POLI: variants seen among roughly 807,000 people sequenced by gnomAD.
POLI encodes the protein RAD30 homolog B.
Under a neutral mutation model 51.6 loss-of-function variants are expected in POLI, and 58 were observed. The ratio of observed to expected loss-of-function variants is 1.12; its 90% CI spans 0.91 to 1.40. POLI has a LOEUF of 1.40. Ranked by LOEUF, POLI falls within the 40% of genes most tolerant of loss-of-function variation. The probability of loss-of-function intolerance (pLI) is 0.00; values close to 1 mark genes in which losing one functional copy is unlikely to be tolerated. For synonymous variants in POLI, 322 were observed against 299.7 expected, an observed-to-expected ratio of 1.07 and a Z score of -0.77; for missense variants, 921 against 871.3, an observed-to-expected ratio of 1.06 and a Z score of -0.72.
At chr18:54,306,683 G>A (rs976172365) in intron 3 of POLI, among the ~76,000 whole-genome samples, 14 of 152,112 alleles carry the variant, frequency 9.2e-5, no homozygotes, top group Non-Finnish European at 1.9e-4. Flanking sequence ...GGTAGAATTC[G>A]GCTGTGAATT....
chr18:54,278,264 C>T (rs535991099), intron 4 of POLI, among the ~76,000 whole-genome samples: 64 of 152,240 alleles, frequency 4.2e-4, no homozygotes, highest in Non-Finnish European at 7.4e-4. Context: ...GAGTTTGAGT[C>T]CAGCCTAGGC....
intron 8 of POLI, among the ~76,000 whole-genome samples, chr18:54,291,193 TCTC>T (rs3730805): frequency 0.069 from 10,531 of 152,176 alleles, 426 homozygotes; most frequent in African/African-American, 0.088. Context: ...CATTTCCAAA[TCTC>T]CTGGTGACAT....
At chr18:54,315,137 C>T (rs1021113315) in intron 3 of POLI, among the ~76,000 whole-genome samples, 4 of 152,126 alleles carry the variant, frequency 2.6e-5, no homozygotes, top group East Asian at 1.9e-4. Flanking sequence ...GCTTCAGCTG[C>T]GTCCAAATAT....
At chr18:54,299,446 A>G (rs1297135569), downstream of POLI, among the ~76,000 whole-genome samples, 1 of 152,176 alleles carries the variant, frequency 6.6e-6, no homozygotes, top group African/African-American at 2.4e-5. Flanking sequence ...AAACAAAACA[A>G]AAAAAGCCTG....
chr18:54,282,998 C>A lies in POLI; in HGVS notation c.958C>A (p.Leu320Ile). 1 of 1,602,164 alleles carries A rather than the reference C, an allele frequency of 6.2e-7. No individual in the cohort carries two copies. Among genetic ancestry groups the A allele is most frequent in the Non-Finnish European group, 8.5e-7 (1 of 1,170,706 alleles). The change falls in exon 6 of 10, where the codon CTC becomes ATC. Residue 320 changes from leucine (L) to isoleucine (I), a missense_variant. Physicochemically the swap from Leu to Ile is conservative, Grantham distance 5 (BLOSUM62 2). Transcript: ENST00000579534. The stretch of plus-strand genomic sequence containing the variant: ...TGGAGAGGATAACTCCCCTGTGATA[C>A]TCTCAGGACCACCTCAGGTACATGA... ...SFGEDNSPVILSGPPQSFSEE... is the reference protein window; with the variant it reads ...SFGEDNSPVIISGPPQSFSEE...
chr18:54,308,851 C>T (rs1430880927), intron 3 of POLI, among the ~76,000 whole-genome samples: 1 of 152,012 alleles, frequency 6.6e-6, no homozygotes, highest in African/African-American at 2.4e-5. Flanking sequence ...TCACTGATAC[C>T]CTTTCTTCCA....
intron 2 of POLI, 67 bp from the exon 3 acceptor site, chr18:54,273,859 G>GAATT (rs2087118614): frequency 2.4e-6 from 2 of 823,488 alleles, no homozygotes; most frequent in Admixed American, 3.8e-5. Flanking sequence ...ATGTAATACG[G>GAATT]AATTAATAAT....
At chr18:54,275,879 C>T (rs1349834625) in intron 3 of POLI, among the ~76,000 whole-genome samples, 2 of 152,040 alleles carry the variant, frequency 1.3e-5, no homozygotes, top group Non-Finnish European at 2.9e-5. Flanking sequence ...GAAGTAGGCG[C>T]GTAGCCAGTT....
At chr18:54,271,186 A>G in intron 1 of POLI, 174 bp from the exon 2 acceptor site, 1 of 523,416 alleles carries the variant, frequency 1.9e-6, no homozygotes, top group Non-Finnish European at 3.4e-6. Flanking sequence ...TGAAGACCCT[A>G]CCCTAAGTGG....
intron 3 of POLI, among the ~76,000 whole-genome samples, chr18:54,276,826 C>G (rs1394820833): frequency 6.6e-6 from 1 of 152,164 alleles, no homozygotes; most frequent in Admixed American, 6.5e-5. Context: ...AAAACATGAT[C>G]TATGTGGAAT....
At position 54,274,056 on chromosome 18, in the gene POLI, G is replaced by T; in HGVS notation, c.372G>T (p.Leu124=). 6.6e-7 allele frequency: 1 copy of T among 1,512,030 alleles called. No individual in the cohort carries two copies. Among genetic ancestry groups the T allele is most frequent in the Non-Finnish European group, 8.9e-7 (1 of 1,127,404 alleles). The allele number at this position is 1,512,030 out of a possible 1,614,324, so 93.7% of individuals were successfully genotyped here. ...TGGTATTAGTTAATGGAGAAGACCT[G>T]ACCCGCTACAGAGAAATGTCTTATA... The part of the protein sequence containing the change: ...PQLVLVNGED[L]TRYREMSYKV... The change falls in exon 3 of 10, where the codon CTG becomes CTT. Residue 124 remains leucine, a synonymous_variant. Transcript: ENST00000579534.
intron 3 of POLI, among the ~76,000 whole-genome samples, chr18:54,276,098 G>A (rs2087227566): frequency 6.6e-6 from 1 of 152,036 alleles, no homozygotes. Flanking sequence ...AGGAATGGAG[G>A]CTGGGCATGG....
downstream of POLI, among the ~76,000 whole-genome samples, chr18:54,300,623 C>T (rs1251294467): frequency 6.6e-6 from 1 of 151,872 alleles, no homozygotes; most frequent in East Asian, 1.9e-4. Flanking sequence ...ATATCAAAAT[C>T]ATGTTAAATA....
chr18:54,313,038 G>A lies in POLI; in HGVS notation c.334-7235G>A, dbSNP rs561800163. 4.6e-5 allele frequency among the ~76,000 whole-genome samples: 7 copies of A among 152,110 alleles called. No homozygotes were observed. The East Asian group carries it at 7.7e-4, about 17-fold the overall frequency. ...TAAACTCTTTGCCAATGCCAATATC[G>A]AGATGGGTGTTTCCTAGATTTTCTT... On this transcript the variant is annotated intron_variant, in intron 3 of 4. Coordinates refer to the POLI transcript ENST00000579823.
In POLI at chr18:54,297,814, A is replaced by G; in HGVS notation, c.*3347A>G. ...GTTCTTTATTAAATCTCCAAATTGG[A>G]TATTATTAGTATTTTATATAGTCAA... On this transcript the variant is annotated 3_prime_UTR_variant, in exon 10 of 10. Transcript: ENST00000579534. 1 of 960,218 alleles carries G rather than the reference A, an allele frequency of 1.0e-6. No homozygotes were observed. The highest frequency in any genetic ancestry group is 1.2e-6 in the Non-Finnish European group (1 of 806,916). The allele number at this position is 960,218 out of a possible 1,614,324, so 59.5% of individuals were successfully genotyped here.
intron 4 of POLI, among the ~76,000 whole-genome samples, chr18:54,279,692 C>T (rs962305942): frequency 8.5e-5 from 13 of 152,110 alleles, no homozygotes; most frequent in Admixed American, 7.9e-4. Flanking sequence ...ATACTTTTAG[C>T]GTTAGTCTCT....
intron 1 of POLI, 179 bp downstream of exon 1, chr18:54,269,840 C>G: frequency 7.4e-7 from 1 of 1,344,666 alleles, no homozygotes; most frequent in African/African-American, 1.5e-5. Context: ...AGAGGAATGG[C>G]TTCACCCAGC....
In POLI at chr18:54,294,544, A is replaced by G; in HGVS notation, c.*77A>G. 2 of 1,460,706 alleles carry G rather than the reference A, an allele frequency of 1.4e-6. No homozygotes were observed. 90.5% of individuals were successfully genotyped at this position (1,460,706 alleles called of 1,614,324 possible). A position where few individuals can be genotyped will look rare whatever the true frequency, so the allele number is the denominator to read the frequency against. On this transcript the variant is annotated 3_prime_UTR_variant, in exon 10 of 10. Transcript: ENST00000579534. ...TTAGCGGTTTATTAAGCTCTTCTATATTAAACACTAATAGATATTCAATAA... is the reference window on the plus strand; with the variant it reads ...TTAGCGGTTTATTAAGCTCTTCTATGTTAAACACTAATAGATATTCAATAA...
intron 3 of POLI, among the ~76,000 whole-genome samples, chr18:54,303,705 G>A (rs2088530397): frequency 6.6e-6 from 1 of 151,340 alleles, no homozygotes; most frequent in African/African-American, 2.4e-5. Flanking sequence ...AATCTTGGCA[G>A]ACTGCAGGCA....
Sources: allele counts gnomAD v4.1 joint callset (sites outside exome capture counted in the v4.1 genomes callset), GRCh38; gene constraint gnomAD v4.1.1; transcripts MANE v1.5; gene names NCBI Gene and HGNC (gene_info 2026-07-23, HGNC 2026-07-21).